The following COL28A1 variants were observed in gnomAD, a reference collection of about 807,000 sequenced individuals.
COL28A1 encodes the protein collagen alpha-1(XXVIII) chain.
COL28A1 carries 161 observed loss-of-function variants against 150.2 expected under a neutral mutation model. The ratio of observed to expected loss-of-function variants is 1.07; its 90% confidence interval spans 0.94 to 1.22. The LOEUF is 1.22. Among genes scored for constraint, COL28A1 ranks in the 50% most tolerant of loss-of-function variants. The pLI, the probability that COL28A1 is intolerant of heterozygous loss-of-function variation, is 0.00. For synonymous variants in COL28A1, 552 were observed against 469.7 expected (o/e 1.18, Z -2.26); for missense variants, 1,617 against 1,388.3 (o/e 1.16, Z -2.62).
chr7:7,453,572 G>T, intron 16 of COL28A1, 64 bp from the exon 17 acceptor site: 1 of 811,200 alleles, frequency 1.2e-6, no homozygotes, highest in South Asian at 1.5e-5. Flanking sequence ...CCTCTAAAGT[G>T]AAACTTTAGT....
chr7:7,430,210 T>C (rs904802296), intron 25 of COL28A1, among the ~76,000 whole-genome samples: 3 of 152,138 alleles, frequency 2.0e-5, no homozygotes, highest in Admixed American at 2.0e-4. Context: ...CACTGCAACC[T>C]CCGCCTCCCG....
Position 7,432,541 on chromosome 7 carries a change from C to T in COL28A1, c.1930G>A (p.Gly644Arg). The T allele has an allele frequency of 6.2e-7, 1 of 1,613,962 alleles. No individual in the cohort carries two copies. The highest frequency in any genetic ancestry group is 2.2e-5 in the East Asian group (1 of 44,862). ...GGGGGTCCTGGTAATCCACGAGGTCCCTGAGATGACACAGTAAGGGAGGGA... is the reference window on the plus strand; with the variant it reads ...GGGGGTCCTGGTAATCCACGAGGTCTCTGAGATGACACAGTAAGGGAGGGA... ...LKGDGYPGVP[G>R]PRGLPGPPGP... Residue 644 changes from glycine to arginine, a missense_variant and splice_region_variant, in exon 25 of 35, where the codon GGA becomes AGA. By Grantham distance (125) the Gly-to-Arg change is moderately radical (BLOSUM62 -2). Coordinates refer to ENST00000399429, the MANE Select transcript of COL28A1 (RefSeq NM_001037763.3).
intron 27 of COL28A1, among the ~76,000 whole-genome samples, chr7:7,387,157 C>G (rs77488208): frequency 0.052 from 7,938 of 152,150 alleles, 347 homozygotes; most frequent in East Asian, 0.22. Context: ...AGACCACATT[C>G]TGTTTCCTTT....
intron 7 of COL28A1, 113 bp downstream of exon 7, chr7:7,517,683 C>T: frequency 2.0e-6 from 3 of 1,474,302 alleles, no homozygotes; most frequent in Non-Finnish European, 2.8e-6. Context: ...ATCAAGAGCA[C>T]AAGGTAGATA....
intron 21 of COL28A1, among the ~76,000 whole-genome samples, chr7:7,438,796 C>G (rs1377798466): frequency 2.0e-5 from 3 of 152,224 alleles, no homozygotes; most frequent in African/African-American, 7.2e-5. Context: ...GAAACTACTT[C>G]TCTACGGTAG....
chr7:7,473,608 C>A (rs112008351), intron 15 of COL28A1, among the ~76,000 whole-genome samples: 1 of 152,116 alleles, frequency 6.6e-6, no homozygotes. Flanking sequence ...CTAGTACAAC[C>A]AGTATGGAAA....
At chr7:7,427,651 T>G (rs1393454591) in intron 25 of COL28A1, among the ~76,000 whole-genome samples, 1 of 152,232 alleles carries the variant, frequency 6.6e-6, no homozygotes, top group Non-Finnish European at 1.5e-5. Flanking sequence ...GAATTCCACA[T>G]AGACTTGCAT....
intron 13 of COL28A1, among the ~76,000 whole-genome samples, chr7:7,477,809 A>G (rs1789038877): frequency 6.6e-6 from 1 of 152,186 alleles, no homozygotes; most frequent in African/African-American, 2.4e-5. Context: ...TGGCTAGGGC[A>G]GCCTGCTTTT....
At chr7:7,505,215 A>G (rs1489442125) in intron 11 of COL28A1, among the ~76,000 whole-genome samples, 1 of 152,180 alleles carries the variant, frequency 6.6e-6, no homozygotes, top group Non-Finnish European at 1.5e-5. Context: ...CTTCAGTTTA[A>G]TATCACCCTT....
intron 15 of COL28A1, among the ~76,000 whole-genome samples, chr7:7,474,245 A>T (rs1788692515): frequency 1.3e-5 from 2 of 151,958 alleles, no homozygotes; most frequent in Non-Finnish European, 2.9e-5. Flanking sequence ...AGTTATGAGG[A>T]CGCAAAGGCA....
intron 15 of COL28A1, among the ~76,000 whole-genome samples, chr7:7,473,627 G>A (rs1788616377): frequency 6.6e-6 from 1 of 152,146 alleles, no homozygotes; most frequent in East Asian, 1.9e-4. Flanking sequence ...AAACAGTGTG[G>A]AGATTCCTTA....
chr7:7,402,121 T>C (rs1216889263), intron 27 of COL28A1, among the ~76,000 whole-genome samples: 1 of 152,216 alleles, frequency 6.6e-6, no homozygotes, highest in Non-Finnish European at 1.5e-5. Flanking sequence ...CTTCCTTTAA[T>C]TCATACTTTA....
chr7:7,486,636 T>A, intron 13 of COL28A1, among the ~76,000 whole-genome samples: 1 of 152,186 alleles, frequency 6.6e-6, no homozygotes, highest in South Asian at 2.1e-4. Flanking sequence ...TATGAGAGAT[T>A]TATCAGCGTT....
chr7:7,455,225 T>A (rs1361500468), intron 16 of COL28A1, among the ~76,000 whole-genome samples: 2 of 152,230 alleles, frequency 1.3e-5, no homozygotes, highest in African/African-American at 4.8e-5. Context: ...GACCTGCCAC[T>A]TTCTAACCAG....
intron 20 of COL28A1, among the ~76,000 whole-genome samples, chr7:7,442,471 G>C (rs767413830): frequency 5.9e-5 from 9 of 152,124 alleles, no homozygotes; most frequent in African/African-American, 9.7e-5. Flanking sequence ...TATTTCACGT[G>C]ATGATGTTAT....
downstream of COL28A1, among the ~76,000 whole-genome samples, chr7:7,353,991 T>A (rs529113125): frequency 1.3e-5 from 2 of 152,064 alleles, no homozygotes; most frequent in East Asian, 1.9e-4. Flanking sequence ...CCCATTTTCA[T>A]GCGGAGGACA....
the COL28A1 span, among the ~76,000 whole-genome samples, chr7:7,349,061 T>C: frequency 1.3e-5 from 2 of 152,126 alleles, no homozygotes; most frequent in Admixed American, 6.6e-5. Flanking sequence ...TTTTGATATG[T>C]TGTGTCCTTC....
intron 15 of COL28A1, among the ~76,000 whole-genome samples, chr7:7,461,755 G>C (rs1273156803): frequency 6.6e-6 from 1 of 152,090 alleles, no homozygotes; most frequent in Non-Finnish European, 1.5e-5. Context: ...AGTAGAGTCT[G>C]AGCTCAGAAA....
chr7:7,526,864 A>T (rs942611339), intron 3 of COL28A1, among the ~76,000 whole-genome samples: 3 of 152,114 alleles, frequency 2.0e-5, no homozygotes, highest in Admixed American at 1.3e-4. Context: ...CAAACTCCTG[A>T]CCTCAAGTGA....
Sources: gnomAD v4.1 joint callset for allele counts (sites outside exome capture counted in the v4.1 genomes callset) on GRCh38, gnomAD v4.1.1 for gene constraint, MANE v1.5 for transcripts, NCBI Gene and HGNC (gene_info 2026-07-23, HGNC 2026-07-21) for gene names.